Variants in HIPK4 observed in about 807,000 individuals in gnomAD.
The protein encoded by HIPK4 is homeodomain-interacting protein kinase 4.
A neutral mutation model predicts 44.8 loss-of-function variants in HIPK4; 26 were observed. The observed-to-expected ratio is 0.58, with a 90% CI of 0.43 to 0.80. The LOEUF (loss-of-function observed/expected upper bound fraction) is 0.80, where lower values mean the gene tolerates loss of function less well. HIPK4 is among the 30% of genes least tolerant of loss of function. The probability of loss-of-function intolerance (pLI) is 0.00; values close to 1 mark genes in which losing one functional copy is unlikely to be tolerated. For missense variants in HIPK4, 729 were observed against 862.6 expected (o/e 0.85, Z 1.94); for synonymous variants, 340 against 355.5 (o/e 0.96, Z 0.49).
intron 2 of HIPK4, among the ~76,000 whole-genome samples, chr19:40,381,375 C>A (rs966176766): frequency 2.0e-5 from 3 of 151,780 alleles, no homozygotes; most frequent in African/African-American, 7.2e-5. Context: ...CAAGTTCCAC[C>A]CCTTGCCCCA....
chr19:40,382,188 C>T (rs547451841), intron 2 of HIPK4, among the ~76,000 whole-genome samples: 1 of 152,072 alleles, frequency 6.6e-6, no homozygotes, highest in South Asian at 2.1e-4. Flanking sequence ...CTGCAACTGC[C>T]AACTCCTGGG....
chr19:40,386,204 G>A (rs2079362588), intron 1 of HIPK4, among the ~76,000 whole-genome samples: 1 of 151,684 alleles, frequency 6.6e-6, no homozygotes, highest in African/African-American at 2.4e-5. Flanking sequence ...TGAGTAGCTG[G>A]GATTACAAGC....
In HIPK4 at chr19:40,380,602, G is replaced by A. The variant is rs1037360600; in HGVS notation, c.1389C>T (p.Gly463=). The A allele has an allele frequency of 6.2e-7, 1 of 1,613,302 alleles. No individual in the cohort carries two copies. Among genetic ancestry groups the A allele is most frequent in the African/African-American group, 1.3e-5 (1 of 75,070 alleles). Residue 463 remains glycine, a synonymous_variant, in exon 3 of 4, where the codon GGC becomes GGT. Transcript: ENST00000291823. The surrounding 1 kb of genome is among the most constrained non-coding windows in gnomAD (Gnocchi z 4.2). ...MMVPLKAAIT[G]HHVPDSGPEP... is the part of the protein sequence containing the mutation. ...CAGGGCCCGAGTCGGGCACATGGTGGCCAGTGATGGCTGCCTTGAGGGGGA... is the reference window on the plus strand; with the variant it reads ...CAGGGCCCGAGTCGGGCACATGGTGACCAGTGATGGCTGCCTTGAGGGGGA...
rs547687262 is a variant in HIPK4 at position 40,381,489 on chromosome 19, C to T, written c.823-321G>A. ...TCCCTGGAATCAAATCCAGGTCCCTCTTACTGCCACAGCTCCACACTTGAT... is the reference window on the plus strand; with the variant it reads ...TCCCTGGAATCAAATCCAGGTCCCTTTTACTGCCACAGCTCCACACTTGAT... On this transcript the variant is annotated intron_variant, in intron 2 of 3. Transcript: ENST00000291823. Among the ~76,000 whole-genome samples, 4 of 152,340 alleles carry T rather than the reference C, an allele frequency of 2.6e-5. No homozygotes were observed. The South Asian group carries it at 8.3e-4, about 32-fold the overall frequency.
chr19:40,380,599 G>A lies in HIPK4; in HGVS notation c.1392C>T (p.His464=), dbSNP rs1355316393. 6.2e-7 allele frequency: 1 copy of A among 1,613,288 alleles called. No homozygotes were observed. Among genetic ancestry groups the A allele is most frequent in the Non-Finnish European group, 8.5e-7 (1 of 1,179,926 alleles). The change falls in exon 3 of 4, where the codon CAC becomes CAT. Residue 464 remains histidine, a synonymous_variant. Coordinates refer to ENST00000291823, the MANE Select transcript of HIPK4 (RefSeq NM_144685.5). This position sits in a 1 kb window ranked among gnomAD's most constrained non-coding sequence, Gnocchi z 4.2. ...GCTCAGGGCCCGAGTCGGGCACATG[G>A]TGGCCAGTGATGGCTGCCTTGAGGG... is the stretch of plus-strand genomic sequence containing the variant. ...MVPLKAAITG[H]HVPDSGPEPI...
intron 2 of HIPK4, 45 bp downstream of exon 2, chr19:40,383,738 G>T (rs1441941424): frequency 4.8e-6 from 7 of 1,461,086 alleles, no homozygotes; most frequent in Admixed American, 4.2e-5. Flanking sequence ...TTTTTTTCAT[G>T]TAACAGCCCC....
Position 40,389,326 on chromosome 19 carries a change from A to AAAG in HIPK4, c.465+111_465+112insCTT. The stretch of plus-strand genomic sequence containing the variant: ...GTAACAGAATGAAACTCCGTCTCAA[A>AAAG]AATAATAATAATAATAATTTTAAAA... On this transcript the variant is annotated intron_variant, in intron 1 of 3. Transcript: ENST00000291823. This position sits in a 1 kb window ranked among gnomAD's most constrained non-coding sequence, Gnocchi z 4.6. 1 of 483,590 alleles carries AAAG rather than the reference A, an allele frequency of 2.1e-6. No individual in the cohort carries two copies. The highest frequency in any genetic ancestry group is 3.2e-6 in the Non-Finnish European group (1 of 314,476). The allele number at this position is 483,590 out of a possible 1,614,324, so 30.0% of individuals were successfully genotyped here.
At position 40,380,649 on chromosome 19, in the gene HIPK4, T is replaced by C. The variant is rs767158577; in HGVS notation, c.1342A>G (p.Asn448Asp). 1 of 1,613,950 alleles carries C rather than the reference T, an allele frequency of 6.2e-7. No homozygotes were observed. Among genetic ancestry groups the C allele is most frequent in the South Asian group, 1.1e-5 (1 of 91,090 alleles). Residue 448 changes from asparagine (N) to aspartate (D), a missense_variant, in exon 3 of 4, where the codon AAT becomes GAT. By Grantham distance (23) the Asn-to-Asp change is conservative (BLOSUM62 1). Around this residue, in one of 2 missense-constraint regions of HIPK4, gnomAD observed 533 missense variants for 567.5 expected, o/e 0.94. Transcript: ENST00000291823. The surrounding 1 kb of genome is among the most constrained non-coding windows in gnomAD (Gnocchi z 4.2). ...GGGACCATCATGTCGGAGACCGCAT[T>C]GGTGCAGGTCTCACCCCACAGCCCA... Reference protein sequence around the residue: ...GHGLWGETCTNAVSDMMVPLK... With the variant: ...GHGLWGETCTDAVSDMMVPLK...
chr19:40,382,554 G>C (rs1368908352), intron 2 of HIPK4, among the ~76,000 whole-genome samples: 1 of 152,074 alleles, frequency 6.6e-6, no homozygotes, highest in Non-Finnish European at 1.5e-5. Flanking sequence ...TCTCTTGCTA[G>C]AGCAGCCCCC....
chr19:40,382,313 C>T (rs997199267), intron 2 of HIPK4, among the ~76,000 whole-genome samples: 4 of 152,112 alleles, frequency 2.6e-5, no homozygotes, highest in Admixed American at 6.6e-5. Flanking sequence ...CTTGCTATGT[C>T]GCCCACAATG....
chr19:40,386,093 G>A (rs533567665), intron 1 of HIPK4, among the ~76,000 whole-genome samples: 17 of 151,400 alleles, frequency 1.1e-4, no homozygotes, highest in Middle Eastern at 3.4e-3. Flanking sequence ...TTTTTGTGAC[G>A]GAGTCTCGCT....
chr19:40,382,259 A>G (rs1423693964), intron 2 of HIPK4, among the ~76,000 whole-genome samples: 1 of 152,036 alleles, frequency 6.6e-6, no homozygotes, highest in Non-Finnish European at 1.5e-5. Flanking sequence ...GTGTGCCACC[A>G]TGCCTGGCTA....
intron 1 of HIPK4, among the ~76,000 whole-genome samples, chr19:40,384,407 G>T (rs1366521394): frequency 6.6e-6 from 1 of 152,046 alleles, no homozygotes; most frequent in African/African-American, 2.4e-5. Context: ...CGGTTCAAGC[G>T]ATTCTCCTGC....
rs142414559 is a variant in HIPK4, at chr19:40,385,683, C to CTT, written c.466-1546_466-1545dup. On this transcript the variant is annotated intron_variant, in intron 1 of 3. Transcript: ENST00000291823. ...CCTGTTTTTCTTTTTCTTTTCTTTTCTTTTTTTTTTTTTTTTTTTTTTTTT... is the reference window on the plus strand; with the variant it reads ...CCTGTTTTTCTTTTTCTTTTCTTTTCTTTTTTTTTTTTTTTTTTTTTTTTTTT... 7.0e-3 allele frequency among the ~76,000 whole-genome samples: 466 copies of CTT among 67,036 alleles called. 24 individuals carry two copies. Among genetic ancestry groups the CTT allele is most frequent in the Non-Finnish European group, 0.011 (388 of 35,524 alleles). 44.0% of individuals were successfully genotyped at this position (67,036 alleles called of 152,430 possible).
intron 1 of HIPK4, among the ~76,000 whole-genome samples, chr19:40,388,837 C>G (rs571313211): frequency 6.6e-6 from 1 of 152,296 alleles, no homozygotes; most frequent in African/African-American, 2.4e-5. Flanking sequence ...TGCTTGAACT[C>G]AGGACTTTGA....
At position 40,382,468 on chromosome 19, in the gene HIPK4, G is replaced by C. The variant is rs576552681; in HGVS notation, c.823-1300C>G. 1.6e-4 allele frequency among the ~76,000 whole-genome samples: 25 copies of C among 152,210 alleles called. 1 individual carries two copies. In the South Asian group the frequency reaches 5.2e-3, roughly 32 times the overall value. On this transcript the variant is annotated intron_variant, in intron 2 of 3. Transcript: ENST00000291823. ...TGGTCTAATCCCTCTTGCCACACAAGTTGCTGACCCCGGAGCTGAAGCTGG... is the reference window on the plus strand; with the variant it reads ...TGGTCTAATCCCTCTTGCCACACAACTTGCTGACCCCGGAGCTGAAGCTGG...
At position 40,389,326 on chromosome 19, in the gene HIPK4, AAAT is replaced by A. The variant is rs1013544385; in HGVS notation, c.465+109_465+111del. The A allele has an allele frequency of 5.1e-4, 244 of 481,908 alleles. No individual in the cohort carries two copies. Among genetic ancestry groups the A allele is most frequent in the Middle Eastern group, 1.2e-3 (2 of 1,604 alleles). 29.9% of individuals were successfully genotyped at this position (481,908 alleles called of 1,614,324 possible). A position where few individuals can be genotyped will look rare whatever the true frequency, so the allele number is the denominator to read the frequency against. ...GTAACAGAATGAAACTCCGTCTCAA[AAAT>A]AATAATAATAATAATTTTAAAAAAT... On this transcript the variant is annotated intron_variant, in intron 1 of 3. Transcript: ENST00000291823. This position sits in a 1 kb window ranked among gnomAD's most constrained non-coding sequence, Gnocchi z 4.6.
chr19:40,379,836 T>C, intron 3 of HIPK4, 67 bp from the exon 4 acceptor site: 1 of 1,497,656 alleles, frequency 6.7e-7, no homozygotes. Context: ...TGAGCCTCTG[T>C]CACCTCCTCC....
In HIPK4 at chr19:40,381,172, G is replaced by A. The variant is rs73046351; in HGVS notation, c.823-4C>T. The A allele has an allele frequency of 1.7e-4, 271 of 1,589,716 alleles. No homozygotes were observed. Among genetic ancestry groups the A allele is most frequent in the Admixed American group, 6.5e-4 (39 of 59,672 alleles). ...TGCGGCGCTCCAATGGGCGCACCTG[G>A]CGGGGCATGGAGAAGGGGGCAGGGT... On this transcript the variant is annotated splice_region_variant and splice_polypyrimidine_tract_variant and intron_variant, in intron 2 of 3. Coordinates refer to ENST00000291823, the MANE Select transcript of HIPK4 (RefSeq NM_144685.5).
Sources: allele counts gnomAD v4.1 joint callset (sites outside exome capture counted in the v4.1 genomes callset), GRCh38; gene constraint gnomAD v4.1.1; regional missense constraint gnomAD v4.1.1; non-coding constraint Gnocchi (gnomAD v3.1); transcripts MANE v1.5; gene names NCBI Gene and HGNC (gene_info 2026-07-23, HGNC 2026-07-21).